Variants in IL1RAPL2 observed in about 807,000 individuals in gnomAD.
IL1RAPL2 encodes the protein X-linked interleukin-1 receptor accessory protein-like 2.
Under a neutral mutation model 44.1 loss-of-function variants are expected in IL1RAPL2, and 3 were observed. The ratio of observed to expected loss-of-function variants is 0.07; its 90% CI spans 0.03 to 0.18. The LOEUF (loss-of-function observed/expected upper bound fraction) is 0.18, where lower values mean the gene tolerates loss of function less well. Ranked by LOEUF, IL1RAPL2 falls within the 10% of genes least tolerant of loss-of-function variation. The pLI is 1.00. For missense variants in IL1RAPL2, 391 were observed against 496.4 expected (o/e 0.79, Z 2.02); for synonymous variants, 181 against 178.8 (o/e 1.01, Z -0.10).
intron 2 of IL1RAPL2, among the ~76,000 whole-genome samples, chrX:104,774,005 G>A (rs1932680882): frequency 8.9e-6 from 1 of 112,076 alleles, no homozygotes; most frequent in African/African-American, 3.2e-5. Flanking sequence ...AAGAGACAGA[G>A]TGAACAAACA....
chrX:104,689,555 G>T (rs777787806), intron 2 of IL1RAPL2, among the ~76,000 whole-genome samples: 1 of 111,589 alleles, frequency 9.0e-6, no homozygotes, highest in Non-Finnish European at 1.9e-5. Context: ...TCTCTGGGAG[G>T]TTATTAGTGT....
intron 2 of IL1RAPL2, among the ~76,000 whole-genome samples, chrX:104,752,572 G>T (rs1932278146): frequency 9.1e-6 from 1 of 110,249 alleles, no homozygotes; most frequent in Admixed American, 9.7e-5. Context: ...CATGTCACAT[G>T]GTTTAGTGGT....
At chrX:105,489,796 TC>T (rs1569447174) in intron 6 of IL1RAPL2, among the ~76,000 whole-genome samples, 13 of 99,294 alleles carry the variant, frequency 1.3e-4, no homozygotes, top group African/African-American at 4.1e-4. Flanking sequence ...TTTCTCTCTC[TC>T]TCTCTCTCTC....
intron 7 of IL1RAPL2, among the ~76,000 whole-genome samples, chrX:105,723,908 C>G (rs1381919415): frequency 9.0e-6 from 1 of 111,602 alleles, no homozygotes; most frequent in Middle Eastern, 4.3e-3. Flanking sequence ...TTTGGGAGAC[C>G]ACAAACATTT....
At chrX:105,378,806 A>T (rs2035407379) in intron 5 of IL1RAPL2, among the ~76,000 whole-genome samples, 1 of 112,092 alleles carries the variant, frequency 8.9e-6, no homozygotes, top group Non-Finnish European at 1.9e-5. Context: ...ATAAAGTAAA[A>T]AATGCATCAG....
At chrX:104,648,237 A>G (rs1171861249) in intron 1 of IL1RAPL2, among the ~76,000 whole-genome samples, 1 of 112,096 alleles carries the variant, frequency 8.9e-6, no homozygotes, top group East Asian at 2.8e-4. Context: ...TAATGGTTGT[A>G]TAGTATTCCA....
intron 5 of IL1RAPL2, chrX:105,405,938 T>C (rs1284025173): frequency 8.5e-7 from 1 of 1,175,931 alleles, no homozygotes; most frequent in Non-Finnish European, 1.2e-6. Flanking sequence ...ATGTTTTGTT[T>C]GTTTGTGAAG....
At chrX:105,482,198 A>G (rs1358339925) in intron 5 of IL1RAPL2, among the ~76,000 whole-genome samples, 1 of 112,083 alleles carries the variant, frequency 8.9e-6, no homozygotes, top group African/African-American at 3.2e-5. Flanking sequence ...TACTATTAGA[A>G]ATTGAGGTTG....
chrX:105,505,634 G>A (rs1422196041), intron 6 of IL1RAPL2, among the ~76,000 whole-genome samples: 2 of 111,614 alleles, frequency 1.8e-5, no homozygotes, highest in African/African-American at 6.5e-5. Flanking sequence ...ATTGCCATCT[G>A]TGAAGATGGA....
chrX:104,968,356 AAC>A (rs1438107183), intron 2 of IL1RAPL2, among the ~76,000 whole-genome samples: 2 of 112,085 alleles, frequency 1.8e-5, no homozygotes, highest in South Asian at 3.7e-4. Context: ...AACCAAAGCA[AAC>A]ACACAGTTAT....
chrX:105,669,990 C>T (rs1419914790), intron 6 of IL1RAPL2, among the ~76,000 whole-genome samples: 1 of 101,766 alleles, frequency 9.8e-6, no homozygotes, highest in Non-Finnish European at 2.0e-5. Context: ...TCCAGTTTTT[C>T]TAGCACCATT....
chrX:104,663,194 A>C (rs2148025375), intron 2 of IL1RAPL2, among the ~76,000 whole-genome samples: 1 of 111,748 alleles, frequency 8.9e-6, no homozygotes, highest in East Asian at 2.8e-4. Context: ...GTTTTCACTA[A>C]AATACATTTG....
At chrX:105,046,821 C>CTTTTTTT (rs5903258) in intron 2 of IL1RAPL2, among the ~76,000 whole-genome samples, 11 of 76,809 alleles carry the variant, frequency 1.4e-4, no homozygotes, top group African/African-American at 5.1e-4. Flanking sequence ...AAGCACTAAC[C>CTTTTTTT]TTTTTTTTTT....
chrX:105,315,578 GTATA>G (rs771525814), intron 5 of IL1RAPL2, among the ~76,000 whole-genome samples: 296 of 21,805 alleles, frequency 0.014, 50 homozygotes, highest in South Asian at 0.033. Context: ...ACTAATGGAT[GTATA>G]TATATATATA....
In IL1RAPL2 at chrX:104,631,085, G is replaced by A. The variant is rs553888929; in HGVS notation, c.-19-27810G>A. On this transcript the variant is annotated intron_variant, in intron 1 of 10. Transcript: ENST00000372582. ...TTCCCACCTATGAGTGAGAATATGCGGTGTTTGGTTTTTTGTCCTTGTGAT... is the reference window on the plus strand; with the variant it reads ...TTCCCACCTATGAGTGAGAATATGCAGTGTTTGGTTTTTTGTCCTTGTGAT... Among the ~76,000 whole-genome samples the A allele has an allele frequency of 5.3e-4, 59 of 110,775 alleles. 1 individual carries two copies. The highest frequency in any genetic ancestry group is 1.8e-3 in the African/African-American group (55 of 30,495).
intron 2 of IL1RAPL2, among the ~76,000 whole-genome samples, chrX:104,737,843 C>T (rs775818523): frequency 8.9e-6 from 1 of 111,896 alleles, no homozygotes; most frequent in African/African-American, 3.2e-5. Flanking sequence ...GCTATCATTG[C>T]TCATGCTATT....
At chrX:105,374,973 T>G (rs1436043990) in intron 5 of IL1RAPL2, among the ~76,000 whole-genome samples, 1 of 104,823 alleles carries the variant, frequency 9.5e-6, no homozygotes. Flanking sequence ...AAAAGAATTC[T>G]AGTGATTTTT....
rs941028568 is a variant in IL1RAPL2 at position 104,647,792 on chromosome X, T to C, written c.-19-11103T>C. ...GACTGGTACATTAAGTGGTCGAGAA[T>C]GGCAGTCAAAGATAATTGGTTTCTG... On this transcript the variant is annotated intron_variant, in intron 1 of 10. Coordinates refer to ENST00000372582, the MANE Select transcript of IL1RAPL2 (RefSeq NM_017416.2). 16 of 535,907 alleles carry C rather than the reference T, an allele frequency of 3.0e-5. No individual in the cohort carries two copies. The African/African-American group carries it at 3.2e-4, about 11-fold the overall frequency. The allele number at this position is 535,907 out of a possible 1,213,427, so 44.2% of individuals were successfully genotyped here. A position where few individuals can be genotyped will look rare whatever the true frequency, so the allele number is the denominator to read the frequency against.
chrX:105,462,179 G>T (rs752478418), intron 5 of IL1RAPL2, among the ~76,000 whole-genome samples: 5 of 110,910 alleles, frequency 4.5e-5, no homozygotes, highest in Non-Finnish European at 7.6e-5. Context: ...GATTATTAAG[G>T]AGCTGCATGA....
Sources: gnomAD v4.1 joint callset for allele counts (sites outside exome capture counted in the v4.1 genomes callset) on GRCh38, gnomAD v4.1.1 for gene constraint, MANE v1.5 for transcripts, NCBI Gene and HGNC (gene_info 2026-07-23, HGNC 2026-07-21) for gene names.